The following ANKRD17 variants were observed in gnomAD, a reference collection of about 807,000 sequenced individuals.
ANKRD17 encodes the protein ankyrin repeat domain-containing protein 17.
Under a neutral mutation model 229.7 loss-of-function variants are expected in ANKRD17, and 19 were observed. The observed-to-expected ratio is 0.08, with a 90% CI of 0.06 to 0.12. The LOEUF (loss-of-function observed/expected upper bound fraction) is 0.12. ANKRD17 is among the 10% of genes least tolerant of loss of function. The pLI is 1.00. For missense variants in ANKRD17, 2,176 were observed against 3,176.8 expected, an observed-to-expected ratio of 0.68 and a Z score of 7.57; for synonymous variants, 1,112 against 1,146.1, an observed-to-expected ratio of 0.97 and a Z score of 0.60.
At chr4:73,231,655 T>C (rs925570072) in intron 1 of ANKRD17, among the ~76,000 whole-genome samples, 2 of 152,198 alleles carry the variant, frequency 1.3e-5, no homozygotes, top group African/African-American at 2.4e-5. Flanking sequence ...AGTGGTTATG[T>C]GGCTTCCTAT....
At chr4:73,242,786 CAA>C (rs1198117098) in intron 1 of ANKRD17, among the ~76,000 whole-genome samples, 1 of 152,168 alleles carries the variant, frequency 6.6e-6, no homozygotes, top group Non-Finnish European at 1.5e-5. Flanking sequence ...GAAATTCACT[CAA>C]AGTCTCCCAC....
intron 1 of ANKRD17, among the ~76,000 whole-genome samples, chr4:73,189,971 G>A (rs1311828137): frequency 6.6e-6 from 1 of 152,062 alleles, no homozygotes; most frequent in East Asian, 1.9e-4. Context: ...GGTATTACAG[G>A]TAAAAAAGAA....
intron 22 of ANKRD17, among the ~76,000 whole-genome samples, chr4:73,118,174 G>A (rs984130295): frequency 2.6e-5 from 4 of 151,954 alleles, no homozygotes; most frequent in African/African-American, 9.7e-5. Flanking sequence ...ATGTCACCAC[G>A]CTCGGCTAAT....
chr4:73,163,941 T>C (rs1443577117), intron 2 of ANKRD17, among the ~76,000 whole-genome samples: 1 of 152,134 alleles, frequency 6.6e-6, no homozygotes, highest in African/African-American at 2.4e-5. Context: ...ATTATAGCCA[T>C]AAAAAAATGT....
rs1291547596 is a variant in ANKRD17 at position 73,142,723 on chromosome 4, G to A, written c.2002C>T (p.Leu668=). The change falls in exon 12 of 34, where the codon CTG becomes TTG. Residue 668 remains leucine (L), a synonymous_variant. Coordinates refer to ENST00000358602, the MANE Select transcript of ANKRD17 (RefSeq NM_032217.5). The part of the protein sequence containing the change: ...RTTANNDHTV[L]SLACAGGHLA... ...TGACCCCCTGCACAAGCCAGGGACA[G>A]TACAGTATGGTCATTATTAGCTGTG... is the stretch of plus-strand genomic sequence containing the variant. 4 of 1,613,896 alleles carry A rather than the reference G, an allele frequency of 2.5e-6. No homozygotes were observed. The highest frequency in any genetic ancestry group is 8.5e-7 in the Non-Finnish European group (1 of 1,179,864).
chr4:73,161,096 C>T, intron 3 of ANKRD17, 96 bp downstream of exon 3: 2 of 1,450,192 alleles, frequency 1.4e-6, no homozygotes, highest in Non-Finnish European at 1.9e-6. Flanking sequence ...AGCACAGTGC[C>T]AGCCAGGCAC....
chr4:73,118,056 A>G (rs533627488), intron 22 of ANKRD17, among the ~76,000 whole-genome samples: 2 of 152,120 alleles, frequency 1.3e-5, no homozygotes, highest in African/African-American at 4.8e-5. Flanking sequence ...TACTCTTGTC[A>G]CCCGGGCTGG....
chr4:73,257,201 T>C (rs1490060045), intron 1 of ANKRD17, among the ~76,000 whole-genome samples: 3 of 152,202 alleles, frequency 2.0e-5, no homozygotes, highest in African/African-American at 4.8e-5. Flanking sequence ...AAGATTTTTC[T>C]AGATTCTATT....
intron 1 of ANKRD17, among the ~76,000 whole-genome samples, chr4:73,222,783 T>C (rs1366514513): frequency 2.0e-5 from 3 of 152,226 alleles, no homozygotes; most frequent in Non-Finnish European, 2.9e-5. Context: ...AAAATAATTA[T>C]AGACGTCTAT....
At chr4:73,120,394 AT>A in intron 20 of ANKRD17, 57 bp from the exon 21 acceptor site, 1 of 1,496,348 alleles carries the variant, frequency 6.7e-7, no homozygotes, top group Non-Finnish European at 9.1e-7. Flanking sequence ...AAGATCTAAA[AT>A]TGTAAAGAAT....
rs187690913 is a variant in ANKRD17 at position 73,192,806 on chromosome 4, T to C, written c.394-15273A>G. Among the ~76,000 whole-genome samples, 321 of 152,248 alleles carry C rather than the reference T, an allele frequency of 2.1e-3. 5 individuals carry two copies. Among genetic ancestry groups the C allele is most frequent in the Non-Finnish European group, 1.4e-3 (96 of 67,986 alleles). ...ATTCTTTTTAAATGAAAGAAAAAGT[T>C]TTGGCAACAAAATAAAATATTGTAA... On this transcript the variant is annotated intron_variant, in intron 1 of 33. Coordinates refer to ENST00000358602, the MANE Select transcript of ANKRD17 (RefSeq NM_032217.5).
chr4:73,236,042 GCT>G (rs1560772475), intron 1 of ANKRD17, among the ~76,000 whole-genome samples: 1 of 151,966 alleles, frequency 6.6e-6, no homozygotes, highest in Non-Finnish European at 1.5e-5. Flanking sequence ...ATTTTTTAAA[GCT>G]CTCTTATATG....
At chr4:73,144,245 A>C (rs749618555) in intron 11 of ANKRD17, among the ~76,000 whole-genome samples, 2 of 152,194 alleles carry the variant, frequency 1.3e-5, no homozygotes, top group Non-Finnish European at 1.5e-5. Flanking sequence ...AAAATTTCTG[A>C]TCATGAATGA....
rs549907835 is a variant in ANKRD17, at chr4:73,187,223, T to A, written c.394-9690A>T. On this transcript the variant is annotated intron_variant, in intron 1 of 33. Transcript: ENST00000358602. ...AATTTTTTTAGGTATGTAAACACTA[T>A]GAAATTTAAAAGCCACAAACATTTT... Among the ~76,000 whole-genome samples the A allele has an allele frequency of 2.0e-5, 3 of 152,088 alleles. 1 individual carries two copies. The South Asian group carries it at 6.2e-4, about 31-fold the overall frequency.
At chr4:73,168,438 T>TTG (rs150947393) in intron 2 of ANKRD17, among the ~76,000 whole-genome samples, 13,411 of 152,032 alleles carry the variant, frequency 0.088, 2,014 homozygotes, top group African/African-American at 0.31. Flanking sequence ...AAATATTTGA[T>TTG]TGTGTGTGTG....
chr4:73,165,114 C>G (rs940481270), intron 2 of ANKRD17, among the ~76,000 whole-genome samples: 1 of 151,896 alleles, frequency 6.6e-6, no homozygotes, highest in Non-Finnish European at 1.5e-5. Context: ...TGTATAAAGA[C>G]AAAGTAAACC....
At chr4:73,099,212 G>A (rs1723657818) in intron 25 of ANKRD17, 6 of 610,116 alleles carry the variant, frequency 9.8e-6, no homozygotes, top group Admixed American at 2.2e-5. Flanking sequence ...CTTTTGCTCC[G>A]CTCCCACCGC....
rs113783014 is a variant in ANKRD17, at chr4:73,146,924, A to G, written c.1760-51T>C. 1.5e-3 allele frequency: 2,100 copies of G among 1,442,596 alleles called. 43 individuals are homozygous for G. In the South Asian group the frequency reaches 0.017, roughly 12 times the overall value. The allele number at this position is 1,442,596 out of a possible 1,614,324, so 89.4% of individuals were successfully genotyped here. On this transcript the variant is annotated intron_variant, in intron 9 of 33. Transcript: ENST00000358602. ...AGACTTAATAAAGGAGCCATAAGACATATATGACGAAAATAAAAACTTCTT... is the reference window on the plus strand; with the variant it reads ...AGACTTAATAAAGGAGCCATAAGACGTATATGACGAAAATAAAAACTTCTT...
At chr4:73,134,105 CAAGT>C (rs539531658) in intron 16 of ANKRD17, among the ~76,000 whole-genome samples, 178 of 152,154 alleles carry the variant, frequency 1.2e-3, no homozygotes, top group Non-Finnish European at 2.1e-3. Flanking sequence ...ATTTGGCCAA[CAAGT>C]AAGAGCAGAA....
Sources: gnomAD v4.1 joint callset for allele counts (sites outside exome capture counted in the v4.1 genomes callset) on GRCh38, gnomAD v4.1.1 for gene constraint, MANE v1.5 for transcripts, NCBI Gene and HGNC (gene_info 2026-07-23, HGNC 2026-07-21) for gene names.